ZNF521: variants seen among roughly 807,000 people sequenced by gnomAD.
The protein encoded by ZNF521 is LYST-interacting protein 3.
In ZNF521, 14 loss-of-function variants were observed where a neutral mutation model predicts 105.5. That is an observed-to-expected ratio of 0.13 (90% CI 0.09 to 0.21). ZNF521 has a LOEUF of 0.21. Among genes scored for constraint, ZNF521 ranks in the 10% least tolerant of loss-of-function variants. The pLI, the probability that ZNF521 is intolerant of heterozygous loss-of-function variation, is 1.00. For missense variants in ZNF521, 1,233 were observed against 1,629.7 expected (o/e 0.76, Z 4.19); for synonymous variants, 635 against 606.0 (o/e 1.05, Z -0.70).
At chr18:25,210,613 C>G (rs1480524277) in intron 4 of ZNF521, among the ~76,000 whole-genome samples, 1 of 152,126 alleles carries the variant, frequency 6.6e-6, no homozygotes, top group African/African-American at 2.4e-5. Flanking sequence ...AGAACCTGTA[C>G]TATTATTTAG....
chr18:25,137,800 A>G (rs2034764745), intron 5 of ZNF521, among the ~76,000 whole-genome samples: 1 of 152,196 alleles, frequency 6.6e-6, no homozygotes, highest in Non-Finnish European at 1.5e-5. Flanking sequence ...AGTCCCAGAG[A>G]AAATAAGAGA....
intron 3 of ZNF521, among the ~76,000 whole-genome samples, chr18:25,295,845 C>T (rs549101298): frequency 8.5e-5 from 13 of 152,266 alleles, no homozygotes; most frequent in African/African-American, 2.9e-4. Flanking sequence ...ATAGAGTTTA[C>T]ATATCCTTAA....
intron 3 of ZNF521, among the ~76,000 whole-genome samples, chr18:25,260,889 T>G (rs1443149933): frequency 6.6e-6 from 1 of 152,172 alleles, no homozygotes; most frequent in African/African-American, 2.4e-5. Flanking sequence ...AGAGTTCAAC[T>G]AAAATGTAAC....
chr18:25,090,696 C>T (rs2033725720), intron 6 of ZNF521, among the ~76,000 whole-genome samples: 1 of 152,124 alleles, frequency 6.6e-6, no homozygotes, highest in Non-Finnish European at 1.5e-5. Flanking sequence ...GCATATAACT[C>T]AGTACATTTT....
intron 3 of ZNF521, among the ~76,000 whole-genome samples, chr18:25,228,403 T>C (rs980545091): frequency 1.3e-5 from 2 of 152,206 alleles, no homozygotes; most frequent in Non-Finnish European, 2.9e-5. Context: ...GATTATTAAA[T>C]GTTAGAAGGG....
intron 5 of ZNF521, among the ~76,000 whole-genome samples, chr18:25,143,035 T>G (rs955897147): frequency 3.9e-5 from 6 of 152,270 alleles, no homozygotes; most frequent in Admixed American, 2.0e-4. Flanking sequence ...ATACTTGGCA[T>G]TGACCTTCCC....
chr18:25,062,550 G>T lies in ZNF521; in HGVS notation c.*162C>A. 1.0e-6 allele frequency: 1 copy of T among 979,350 alleles called. No homozygotes were observed. Among genetic ancestry groups the T allele is most frequent in the Non-Finnish European group, 1.5e-6 (1 of 653,624 alleles). 60.7% of individuals were successfully genotyped at this position (979,350 alleles called of 1,614,324 possible). On this transcript the variant is annotated 3_prime_UTR_variant, in exon 8 of 8. Coordinates refer to ENST00000361524, the MANE Select transcript of ZNF521 (RefSeq NM_015461.3). ...CAAGGGGTCTATCCGGTGCGCAAAA[G>T]TTCAAACACATGAACATCCAACAGT...
chr18:25,160,228 C>T (rs981459752), intron 5 of ZNF521, among the ~76,000 whole-genome samples: 2 of 152,248 alleles, frequency 1.3e-5, no homozygotes, highest in East Asian at 1.9e-4. Context: ...AAAATGAAAT[C>T]GGGTAAACTT....
intron 3 of ZNF521, among the ~76,000 whole-genome samples, chr18:25,309,099 T>C (rs929620291): frequency 6.6e-6 from 1 of 152,176 alleles, no homozygotes; most frequent in Non-Finnish European, 1.5e-5. Context: ...ACTAATGAAT[T>C]GCAAAGGGCA....
At chr18:25,208,560 C>G (rs183051046) in intron 4 of ZNF521, among the ~76,000 whole-genome samples, 1 of 151,866 alleles carries the variant, frequency 6.6e-6, no homozygotes, top group South Asian at 2.1e-4. Context: ...TCCCTTAAAC[C>G]CACTTTTCTT....
chr18:25,263,518 C>T (rs1462064607), intron 3 of ZNF521, among the ~76,000 whole-genome samples: 1 of 151,982 alleles, frequency 6.6e-6, no homozygotes. Flanking sequence ...CCACCACGCC[C>T]AGCTAATTTT....
At chr18:25,262,197 G>T (rs1172533856) in intron 3 of ZNF521, among the ~76,000 whole-genome samples, 3 of 151,880 alleles carry the variant, frequency 2.0e-5, no homozygotes, top group Non-Finnish European at 4.4e-5. Context: ...CACAAGACCT[G>T]CTCTGAAAAA....
intron 3 of ZNF521, among the ~76,000 whole-genome samples, chr18:25,265,165 C>T (rs1468926369): frequency 2.6e-5 from 4 of 152,168 alleles, no homozygotes; most frequent in Non-Finnish European, 5.9e-5. Flanking sequence ...CTTAACAGCA[C>T]CATCCTCTGT....
intron 5 of ZNF521, among the ~76,000 whole-genome samples, chr18:25,176,783 T>C (rs1442519773): frequency 6.6e-6 from 1 of 152,214 alleles, no homozygotes. Flanking sequence ...GTTGCTTTCC[T>C]TACAGAATAA....
In ZNF521 at chr18:25,227,325, G is replaced by A; in HGVS notation, c.593C>T (p.Ser198Phe). Residue 198 changes from serine (S) to phenylalanine (F), a missense_variant, in exon 4 of 8, where the codon TCC becomes TTC. This residue lies in a region of ZNF521 where 380 missense variants were observed against 478.0 expected (regional missense o/e 0.80). Coordinates refer to ENST00000361524, the MANE Select transcript of ZNF521 (RefSeq NM_015461.3). The surrounding 1 kb of genome is among the most constrained non-coding windows in gnomAD (Gnocchi z 5.7). ...AATGGCACATTTATATGGCTTGTTG[G>A]ACGTGTGAGTCTTTAAGTGGATCTT... is the stretch of plus-strand genomic sequence containing the variant. The part of the protein sequence containing the change: ...HLKIHLKTHT[S>F]NKPYKCAICR... The A allele has an allele frequency of 1.9e-6, 3 of 1,614,142 alleles. No individual in the cohort carries two copies. Among genetic ancestry groups the A allele is most frequent in the Non-Finnish European group, 2.5e-6 (3 of 1,180,018 alleles).
intron 2 of ZNF521, among the ~76,000 whole-genome samples, chr18:25,341,459 G>A (rs1205181676): frequency 6.6e-6 from 1 of 152,084 alleles, no homozygotes; most frequent in Non-Finnish European, 1.5e-5. Context: ...CTTCACCATT[G>A]CACGATTAAC....
At chr18:25,117,050 T>TACAC (rs1297001401) in intron 5 of ZNF521, among the ~76,000 whole-genome samples, 2 of 41,140 alleles carry the variant, frequency 4.9e-5, no homozygotes, top group Non-Finnish European at 1.0e-4. Flanking sequence ...CACACACATA[T>TACAC]ATATACACAC....
chr18:25,287,011 T>C (rs1480338968), intron 3 of ZNF521, among the ~76,000 whole-genome samples: 3 of 152,324 alleles, frequency 2.0e-5, no homozygotes, highest in East Asian at 3.9e-4. Flanking sequence ...GGACCAGACA[T>C]GGACTTTGGG....
In ZNF521 at chr18:25,294,853, CAAAAAAAA is replaced by C. The variant is rs34529787; in HGVS notation, c.220+27147_220+27154del. 1.4e-3 allele frequency among the ~76,000 whole-genome samples: 85 copies of C among 59,532 alleles called. 1 individual carries two copies. Among genetic ancestry groups the C allele is most frequent in the Admixed American group, 2.6e-3 (9 of 3,404 alleles). The allele number at this position is 59,532 out of a possible 152,430, so 39.1% of individuals were successfully genotyped here. A position where few individuals can be genotyped will look rare whatever the true frequency, so the allele number is the denominator to read the frequency against. ...CTGGCGACAGAGCAAGATTCTGTCT[CAAAAAAAA>C]AAAAAAAAAAAAAAAAAAAAGGAGC... is the stretch of plus-strand genomic sequence containing the variant. On this transcript the variant is annotated intron_variant, in intron 3 of 7. Coordinates refer to ENST00000361524, the MANE Select transcript of ZNF521 (RefSeq NM_015461.3).
Sources: gnomAD v4.1 joint callset for allele counts (sites outside exome capture counted in the v4.1 genomes callset) on GRCh38, gnomAD v4.1.1 for gene constraint, gnomAD v4.1.1 regional missense constraint, Gnocchi (gnomAD v3.1) non-coding constraint, MANE v1.5 for transcripts, NCBI Gene and HGNC (gene_info 2026-07-23, HGNC 2026-07-21) for gene names.